The following TLE4 variants were observed in gnomAD, a reference collection of about 807,000 sequenced individuals.
The protein encoded by TLE4 is transducin-like enhancer protein 4.
In TLE4, 8 loss-of-function variants were observed where a neutral mutation model predicts 92.8. The observed-to-expected ratio is 0.09, with a 90% CI of 0.05 to 0.16. TLE4 has a LOEUF of 0.16. Among genes scored for constraint, TLE4 ranks in the 10% least tolerant of loss-of-function variants. TLE4 has a pLI of 1.00. For synonymous variants in TLE4, 371 were observed against 374.1 expected (o/e 0.99, Z 0.10); for missense variants, 675 against 997.6 (o/e 0.68, Z 4.36).
Position 79,572,709 on chromosome 9 carries a change from G to C in TLE4, c.-82G>C. The C allele has an allele frequency of 6.7e-7, 1 of 1,487,990 alleles. No individual in the cohort carries two copies. The highest frequency in any genetic ancestry group is 1.2e-5 in the South Asian group (1 of 84,838). The allele number at this position is 1,487,990 out of a possible 1,614,324, so 92.2% of individuals were successfully genotyped here. A position where few individuals can be genotyped will look rare whatever the true frequency, so the allele number is the denominator to read the frequency against. The stretch of plus-strand genomic sequence containing the variant: ...TCAGACCGAGCCGGCCGCCTCCGCT[G>C]CCGCGGCCGCCTCCTCTTCGGGGTC... On this transcript the variant is annotated 5_prime_UTR_variant, in exon 1 of 20. Transcript: ENST00000376552.
At chr9:79,596,546 T>C (rs2044066521) in intron 4 of TLE4, among the ~76,000 whole-genome samples, 1 of 152,180 alleles carries the variant, frequency 6.6e-6, no homozygotes, top group Non-Finnish European at 1.5e-5. Flanking sequence ...CATCCCACTT[T>C]AGATCTGTTC....
intron 8 of TLE4, chr9:79,663,684 T>A (rs1028864368): frequency 6.6e-6 from 1 of 152,214 alleles, no homozygotes; most frequent in Non-Finnish European, 1.5e-5. Flanking sequence ...TTGTAGATTT[T>A]TTTTTTTTGG....
chr9:79,682,833 C>T (rs1320568792), intron 8 of TLE4, among the ~76,000 whole-genome samples: 1 of 152,146 alleles, frequency 6.6e-6, no homozygotes, highest in Non-Finnish European at 1.5e-5. Context: ...CCTCCTGGAT[C>T]CTATTGAGAG....
intron 8 of TLE4, 22 bp downstream of exon 8, chr9:79,654,097 C>T (rs1564673481): frequency 6.2e-7 from 1 of 1,610,492 alleles, no homozygotes; most frequent in African/African-American, 1.3e-5. Flanking sequence ...AATTTACAGA[C>T]TAAGGAATGG....
At chr9:79,648,057 CAG>C (rs1296444181) in intron 6 of TLE4, among the ~76,000 whole-genome samples, 2 of 152,222 alleles carry the variant, frequency 1.3e-5, no homozygotes, top group African/African-American at 4.8e-5. Context: ...GTGTTGCGGG[CAG>C]AGAGTTCCCT....
At chr9:79,698,020 A>T (rs2068735200) in intron 8 of TLE4, among the ~76,000 whole-genome samples, 1 of 152,184 alleles carries the variant, frequency 6.6e-6, no homozygotes, top group Non-Finnish European at 1.5e-5. Context: ...TTGTTTCCAC[A>T]TTTGCCAAAA....
chr9:79,708,716 A>G lies in TLE4; in HGVS notation c.1193A>G (p.Asn398Ser). 6.2e-7 allele frequency: 1 copy of G among 1,612,976 alleles called. No individual in the cohort carries two copies. The highest frequency in any genetic ancestry group is 1.1e-5 in the South Asian group (1 of 91,078). ...SPGAAYAGLH[N>S]ISPQMSAAAA... ...GGAGCGGCCTACGCTGGGCTCCACA[A>G]CATCTCCCCTCAGATGAGCGCAGCT... The change falls in exon 13 of 20, where the codon AAC (asparagine) becomes AGC (serine). Residue 398 changes from asparagine to serine, a missense_variant. Around this residue, in one of 5 missense-constraint regions of TLE4, gnomAD observed 119 missense variants for 175.9 expected, o/e 0.68. Transcript: ENST00000376552.
chr9:79,572,690 C>G lies in TLE4; in HGVS notation c.-101C>G. The G allele has an allele frequency of 2.3e-6, 3 of 1,290,728 alleles. No individual in the cohort carries two copies. Among genetic ancestry groups the G allele is most frequent in the Non-Finnish European group, 3.3e-6 (3 of 922,366 alleles). The allele number at this position is 1,290,728 out of a possible 1,614,324, so 80.0% of individuals were successfully genotyped here. On this transcript the variant is annotated 5_prime_UTR_variant, in exon 1 of 20. Transcript: ENST00000376552. Reference sequence around the variant, plus strand: ...GGACCGCCCGAGCCGCCCCTCAGACCGAGCCGGCCGCCTCCGCTGCCGCGG... The same window carrying G: ...GGACCGCCCGAGCCGCCCCTCAGACGGAGCCGGCCGCCTCCGCTGCCGCGG...
intron 14 of TLE4, among the ~76,000 whole-genome samples, chr9:79,716,305 T>G (rs907643348): frequency 2.0e-5 from 3 of 152,222 alleles, no homozygotes; most frequent in Non-Finnish European, 4.4e-5. Flanking sequence ...TACTTATTTG[T>G]AAGGCCTGTG....
chr9:79,617,359 T>G (rs1479130356), intron 5 of TLE4, among the ~76,000 whole-genome samples: 1 of 152,178 alleles, frequency 6.6e-6, no homozygotes, highest in East Asian at 1.9e-4. Flanking sequence ...TTGTGTTTTT[T>G]GTACTCTTGT....
chr9:79,725,436 T>A lies in TLE4; in HGVS notation c.*292T>A, dbSNP rs1012927273. ...GTATTATATCTGTAATATATTTATT[T>A]TGTTTAAAGAAGGCTTTCTAACAAT... is the stretch of plus-strand genomic sequence containing the variant. On this transcript the variant is annotated 3_prime_UTR_variant, in exon 20 of 20. Transcript: ENST00000376552. 2 of 189,134 alleles carry A rather than the reference T, an allele frequency of 1.1e-5. No individual in the cohort carries two copies. Among genetic ancestry groups the A allele is most frequent in the Non-Finnish European group, 2.2e-5 (2 of 91,060 alleles). 11.7% of individuals were successfully genotyped at this position (189,134 alleles called of 1,614,324 possible).
intron 8 of TLE4, among the ~76,000 whole-genome samples, chr9:79,691,323 T>G (rs2067032902): frequency 6.6e-6 from 1 of 152,234 alleles, no homozygotes. Flanking sequence ...AATTCTACTA[T>G]TTAATGTTAG....
chr9:79,700,735 T>C (rs1326907880), intron 8 of TLE4, among the ~76,000 whole-genome samples: 3 of 152,192 alleles, frequency 2.0e-5, no homozygotes, highest in Non-Finnish European at 2.9e-5. Context: ...TGTTTACTTT[T>C]AAAATCCAGA....
At chr9:79,720,601 A>G (rs1357972396) in intron 16 of TLE4, among the ~76,000 whole-genome samples, 1 of 152,124 alleles carries the variant, frequency 6.6e-6, no homozygotes, top group East Asian at 1.9e-4. Flanking sequence ...TAATAAAATG[A>G]GGTCAATTTG....
At chr9:79,670,129 GA>G (rs2062037695) in intron 8 of TLE4, among the ~76,000 whole-genome samples, 1 of 150,606 alleles carries the variant, frequency 6.6e-6, no homozygotes, top group Non-Finnish European at 1.5e-5. Context: ...CGTGCAAGTA[GA>G]AAACTTGAAA....
chr9:79,588,225 G>T (rs931916319), intron 4 of TLE4, among the ~76,000 whole-genome samples: 1 of 151,880 alleles, frequency 6.6e-6, no homozygotes, highest in East Asian at 1.9e-4. Context: ...TCGGCTCATT[G>T]TGATCTCCGC....
intron 5 of TLE4, among the ~76,000 whole-genome samples, chr9:79,627,044 G>A (rs1026044219): frequency 6.6e-6 from 1 of 152,146 alleles, no homozygotes. Context: ...AGTGGGATGG[G>A]TTCTGTTTTG....
In TLE4 at chr9:79,720,081, C is replaced by G. The variant is rs761395009; in HGVS notation, c.1626C>G (p.Leu542=). 1 of 1,613,676 alleles carries G rather than the reference C, an allele frequency of 6.2e-7. No homozygotes were observed. The highest frequency in any genetic ancestry group is 2.2e-5 in the East Asian group (1 of 44,864). The change falls in exon 16 of 20, where the codon CTC becomes CTG. Residue 542 remains leucine (L), a synonymous_variant. Transcript: ENST00000376552. Reference sequence around the variant, plus strand: ...ACTACATCCGTTCCTGCAGATTGCTCCCTGATGGTCGCACCCTAATTGTTG... The same window carrying G: ...ACTACATCCGTTCCTGCAGATTGCTGCCTGATGGTCGCACCCTAATTGTTG... ...RDNYIRSCRL[L]PDGRTLIVGG...
At chr9:79,631,273 A>ATTAAAG (rs2054123198) in intron 6 of TLE4, among the ~76,000 whole-genome samples, 1 of 152,224 alleles carries the variant, frequency 6.6e-6, no homozygotes, top group African/African-American at 2.4e-5. Context: ...ACTGATTAAA[A>ATTAAAG]TGTTCATGCT....
Sources: gnomAD v4.1 joint callset for allele counts (sites outside exome capture counted in the v4.1 genomes callset) on GRCh38, gnomAD v4.1.1 for gene constraint, gnomAD v4.1.1 regional missense constraint, MANE v1.5 for transcripts, NCBI Gene and HGNC (gene_info 2026-07-23, HGNC 2026-07-21) for gene names.